ANKS1B: variants seen among roughly 807,000 people sequenced by gnomAD.
The protein encoded by ANKS1B is ankyrin repeat and sterile alpha motif domain containing 1B.
In ANKS1B, 36 loss-of-function variants were observed where a neutral mutation model predicts 148.3. The ratio of observed to expected loss-of-function variants is 0.24; its 90% CI spans 0.19 to 0.32. ANKS1B has a LOEUF of 0.32. ANKS1B is among the 10% of genes least tolerant of loss of function. The pLI, the probability that ANKS1B is intolerant of heterozygous loss-of-function variation, is 1.00. For synonymous variants in ANKS1B, 542 were observed against 560.8 expected, an observed-to-expected ratio of 0.97 and a Z score of 0.47; for missense variants, 1,157 against 1,542.6, an observed-to-expected ratio of 0.75 and a Z score of 4.19.
chr12:99,820,433 C>T (rs945591755), intron 2 of ANKS1B, among the ~76,000 whole-genome samples: 3 of 151,786 alleles, frequency 2.0e-5, no homozygotes, highest in South Asian at 2.1e-4. Context: ...TATATGATCC[C>T]GAAACATTAC....
At chr12:99,716,171 CTT>C (rs1283517341) in intron 8 of ANKS1B, among the ~76,000 whole-genome samples, 1 of 152,046 alleles carries the variant, frequency 6.6e-6, no homozygotes, top group East Asian at 1.9e-4. Flanking sequence ...GCCCCGACCT[CTT>C]ATCTCTGTGC....
At chr12:99,670,635 C>A (rs1037275093) in intron 8 of ANKS1B, among the ~76,000 whole-genome samples, 1 of 152,032 alleles carries the variant, frequency 6.6e-6, no homozygotes, top group South Asian at 2.1e-4. Context: ...CATAACTAGA[C>A]AGTAAAACTA....
At chr12:98,971,166 A>T (rs1444395459) in intron 17 of ANKS1B, among the ~76,000 whole-genome samples, 1 of 152,210 alleles carries the variant, frequency 6.6e-6, no homozygotes, top group African/African-American at 2.4e-5. Context: ...TTATTATGAC[A>T]TGGTGATGTT....
chr12:99,921,069 G>A (rs1381363327), intron 1 of ANKS1B, among the ~76,000 whole-genome samples: 2 of 152,098 alleles, frequency 1.3e-5, no homozygotes, highest in African/African-American at 4.8e-5. Flanking sequence ...CTTTCTATCA[G>A]AGGCTTCAGT....
chr12:98,847,885 T>C (rs751553769), intron 17 of ANKS1B, among the ~76,000 whole-genome samples: 19 of 152,290 alleles, frequency 1.2e-4, no homozygotes, highest in Admixed American at 5.2e-4. Context: ...CTTGAGCCAC[T>C]GCGCCTGGCC....
chr12:99,718,955 C>T lies in ANKS1B; in HGVS notation c.1128+53967G>A, dbSNP rs375816857. On this transcript the variant is annotated intron_variant, in intron 8 of 26. Coordinates refer to ENST00000683438, the MANE Select transcript of ANKS1B (RefSeq NM_001352186.2). ...GGCATAATTCTTATAAAAACACACA[C>T]GTGCTCTCCCTGCTGATTGTGTCCG... Among the ~76,000 whole-genome samples the T allele has an allele frequency of 7.8e-3, 782 of 100,068 alleles. 4 individuals are homozygous for T. The highest frequency in any genetic ancestry group is 0.013 in the Non-Finnish European group (515 of 39,472). 65.6% of individuals were successfully genotyped at this position (100,068 alleles called of 152,430 possible).
intron 9 of ANKS1B, among the ~76,000 whole-genome samples, chr12:99,625,575 T>C (rs1053466183): frequency 6.6e-6 from 1 of 152,102 alleles, no homozygotes; most frequent in Non-Finnish European, 1.5e-5. Flanking sequence ...GAATAGCAAC[T>C]GAAGAAAGAC....
chr12:99,845,220 T>C (rs770535961), intron 1 of ANKS1B, among the ~76,000 whole-genome samples: 4 of 152,228 alleles, frequency 2.6e-5, no homozygotes, highest in Non-Finnish European at 5.9e-5. Context: ...AATACCTTTA[T>C]TTCTTTCTTT....
intron 12 of ANKS1B, among the ~76,000 whole-genome samples, chr12:99,363,903 G>T (rs991043596): frequency 3.9e-5 from 6 of 152,118 alleles, no homozygotes; most frequent in African/African-American, 1.4e-4. Context: ...TGGCTCCAGA[G>T]CCCTTACCTT....
intron 17 of ANKS1B, among the ~76,000 whole-genome samples, chr12:99,021,199 C>A (rs1228560241): frequency 2.6e-5 from 4 of 152,042 alleles, no homozygotes; most frequent in Non-Finnish European, 5.9e-5. Context: ...TTCCAAAGCC[C>A]ATGTTGTTCC....
chr12:98,797,202 G>C (rs2153576883), intron 22 of ANKS1B, among the ~76,000 whole-genome samples: 1 of 152,216 alleles, frequency 6.6e-6, no homozygotes. Context: ...ATAAAACCAG[G>C]GAGAACTCTA....
At chr12:99,441,063 T>G (rs1291457037) in intron 11 of ANKS1B, among the ~76,000 whole-genome samples, 1 of 151,946 alleles carries the variant, frequency 6.6e-6, no homozygotes, top group Non-Finnish European at 1.5e-5. Flanking sequence ...AATTATCATT[T>G]CAATCATATT....
chr12:99,774,543 T>C (rs952402067), intron 7 of ANKS1B, among the ~76,000 whole-genome samples: 5 of 152,062 alleles, frequency 3.3e-5, no homozygotes, highest in African/African-American at 1.2e-4. Flanking sequence ...GAATGTAAAA[T>C]GTTAAAGGCT....
chr12:98,756,872 C>T (rs928089455), intron 25 of ANKS1B, among the ~76,000 whole-genome samples: 6 of 151,536 alleles, frequency 4.0e-5, no homozygotes, highest in South Asian at 2.1e-4. Flanking sequence ...GGATTACAGG[C>T]GCCCACCACC....
At chr12:99,316,034 TG>T (rs1227889326) in intron 12 of ANKS1B, among the ~76,000 whole-genome samples, 2 of 152,202 alleles carry the variant, frequency 1.3e-5, no homozygotes, top group Non-Finnish European at 2.9e-5. Context: ...TATTCCATGG[TG>T]TATATGTGCC....
intron 17 of ANKS1B, among the ~76,000 whole-genome samples, chr12:98,868,113 C>T (rs147387855): frequency 9.2e-5 from 14 of 152,284 alleles, no homozygotes; most frequent in African/African-American, 2.9e-4. Context: ...ACACATTCTG[C>T]ATTGATTGAT....
chr12:98,936,381 C>A (rs1361871591), intron 17 of ANKS1B, among the ~76,000 whole-genome samples: 13 of 152,156 alleles, frequency 8.5e-5, no homozygotes, highest in Admixed American at 3.9e-4. Flanking sequence ...GTAATCCCAG[C>A]ACTTTGGGAG....
chr12:98,915,361 A>AT (rs34154871), intron 17 of ANKS1B, among the ~76,000 whole-genome samples: 62,459 of 151,382 alleles, frequency 0.41, 15,622 homozygotes, highest in African/African-American at 0.71. Flanking sequence ...GTGAGACAGA[A>AT]TTTTTTTTTA....
chr12:99,041,764 G>T (rs890706014), intron 17 of ANKS1B, among the ~76,000 whole-genome samples: 1 of 152,120 alleles, frequency 6.6e-6, no homozygotes, highest in Admixed American at 6.6e-5. Context: ...ACTTTGGGAT[G>T]CCTACATAGG....
Sources: allele counts gnomAD v4.1 joint callset (sites outside exome capture counted in the v4.1 genomes callset), GRCh38; gene constraint gnomAD v4.1.1; transcripts MANE v1.5; gene names NCBI Gene and HGNC (gene_info 2026-07-23, HGNC 2026-07-21).